CSMD1: variants seen among roughly 807,000 people sequenced by gnomAD.
CSMD1 encodes the protein CUB and sushi domain-containing protein 1.
Under a neutral mutation model 417.5 loss-of-function variants are expected in CSMD1, and 213 were observed. The ratio of observed to expected loss-of-function variants is 0.51; its 90% CI spans 0.46 to 0.57. The LOEUF is 0.57. Among genes scored for constraint, CSMD1 ranks in the 20% least tolerant of loss-of-function variants. The pLI is 0.00. For missense variants in CSMD1, 6,923 were observed against 4,529.7 expected, an observed-to-expected ratio of 1.53 and a Z score of -15.17; for synonymous variants, 2,862 against 1,736.8, an observed-to-expected ratio of 1.65 and a Z score of -16.11.
intron 1 of CSMD1, among the ~76,000 whole-genome samples, chr8:4,698,135 GTTT>G (rs11299577): frequency 6.5e-5 from 9 of 138,694 alleles, no homozygotes; most frequent in South Asian, 4.5e-4. Flanking sequence ...TGAATACTGG[GTTT>G]TTTTTTTTTT....
chr8:3,874,243 G>C (rs922571703), intron 5 of CSMD1, among the ~76,000 whole-genome samples: 11 of 152,158 alleles, frequency 7.2e-5, no homozygotes, highest in African/African-American at 2.7e-4. Context: ...AGGATGAAGA[G>C]CATGTTTATT....
chr8:4,166,226 A>G (rs920847935), intron 3 of CSMD1, among the ~76,000 whole-genome samples: 1 of 152,186 alleles, frequency 6.6e-6, no homozygotes, highest in African/African-American at 2.4e-5. Context: ...CATTTAACCC[A>G]ATATATCCAG....
At chr8:3,799,744 CT>C in intron 5 of CSMD1, among the ~76,000 whole-genome samples, 1 of 152,064 alleles carries the variant, frequency 6.6e-6, no homozygotes, top group African/African-American at 2.4e-5. Flanking sequence ...TTATAATAAG[CT>C]GTACAAAACT....
At chr8:4,406,001 G>A (rs1379241757) in intron 3 of CSMD1, among the ~76,000 whole-genome samples, 1 of 152,202 alleles carries the variant, frequency 6.6e-6, no homozygotes, top group Non-Finnish European at 1.5e-5. Context: ...TGACGAGTGA[G>A]AGGGCAATTC....
chr8:4,167,019 G>C (rs930140699), intron 3 of CSMD1, among the ~76,000 whole-genome samples: 1 of 152,146 alleles, frequency 6.6e-6, no homozygotes, highest in Non-Finnish European at 1.5e-5. Flanking sequence ...AAATCTTTTT[G>C]TGTTTCCCAG....
At chr8:4,257,185 G>C (rs145587386) in intron 3 of CSMD1, among the ~76,000 whole-genome samples, 1,586 of 112,258 alleles carry the variant, frequency 0.014, 13 homozygotes, top group South Asian at 0.06. Flanking sequence ...ATAAATTATG[G>C]TACTACATTT....
At chr8:4,778,206 A>G (rs1341372110) in intron 1 of CSMD1, among the ~76,000 whole-genome samples, 1 of 152,194 alleles carries the variant, frequency 6.6e-6, no homozygotes, top group Non-Finnish European at 1.5e-5. Flanking sequence ...TTACTTATGA[A>G]AATATTCAGA....
At chr8:4,299,295 C>G (rs149719651) in intron 3 of CSMD1, among the ~76,000 whole-genome samples, 1 of 152,102 alleles carries the variant, frequency 6.6e-6, no homozygotes, top group Non-Finnish European at 1.5e-5. Flanking sequence ...TCTTCACCCC[C>G]ATCACCCCCA....
chr8:4,193,981 C>A (rs1355671030), intron 3 of CSMD1, among the ~76,000 whole-genome samples: 1 of 151,906 alleles, frequency 6.6e-6, no homozygotes. Flanking sequence ...AGTAAATGTT[C>A]TATGATTACT....
At chr8:4,219,373 G>A (rs990265119) in intron 3 of CSMD1, among the ~76,000 whole-genome samples, 1 of 152,172 alleles carries the variant, frequency 6.6e-6, no homozygotes, top group Non-Finnish European at 1.5e-5. Context: ...CTGGCACAGA[G>A]TAAGTGCTCA....
intron 5 of CSMD1, among the ~76,000 whole-genome samples, chr8:3,913,063 C>T (rs945349587): frequency 1.3e-5 from 2 of 152,104 alleles, no homozygotes. Context: ...GGCAACATGG[C>T]AGCACTAGGA....
chr8:4,872,030 G>A (rs1012478166), intron 1 of CSMD1, among the ~76,000 whole-genome samples: 1 of 152,196 alleles, frequency 6.6e-6, no homozygotes, highest in South Asian at 2.1e-4. Context: ...AAATCCTCAT[G>A]GCTCCTGCAG....
intron 41 of CSMD1, among the ~76,000 whole-genome samples, chr8:3,140,249 G>C (rs557262087): frequency 1.3e-5 from 2 of 152,074 alleles, no homozygotes; most frequent in Admixed American, 6.5e-5. Context: ...CATTGAAAAA[G>C]AGAGAGAGCA....
At chr8:4,334,551 G>A (rs1800054690) in intron 3 of CSMD1, among the ~76,000 whole-genome samples, 1 of 152,104 alleles carries the variant, frequency 6.6e-6, no homozygotes, top group South Asian at 2.1e-4. Flanking sequence ...TCTCCAGATA[G>A]TATGAAAGAT....
At chr8:4,038,037 G>T (rs923369423) in intron 3 of CSMD1, among the ~76,000 whole-genome samples, 3 of 152,048 alleles carry the variant, frequency 2.0e-5, no homozygotes, top group African/African-American at 7.2e-5. Context: ...GTGTAAATAA[G>T]TATCAGAGGC....
At chr8:3,836,893 A>T (rs891267700) in intron 5 of CSMD1, among the ~76,000 whole-genome samples, 3 of 150,946 alleles carry the variant, frequency 2.0e-5, no homozygotes, top group African/African-American at 7.3e-5. Context: ...GTTCTTTAAC[A>T]TTTTTTTTTC....
At chr8:3,241,066 TGA>T (rs1563175681) in intron 26 of CSMD1, among the ~76,000 whole-genome samples, 5 of 147,390 alleles carry the variant, frequency 3.4e-5, no homozygotes, top group South Asian at 2.2e-4. Context: ...TGGGTTAAGG[TGA>T]GGGGATACAA....
intron 5 of CSMD1, among the ~76,000 whole-genome samples, chr8:3,860,420 A>C (rs986085641): frequency 2.6e-5 from 4 of 152,194 alleles, no homozygotes; most frequent in Non-Finnish European, 5.9e-5. Context: ...TTTCTATGTT[A>C]CTAAAACAAT....
At chr8:3,074,090 C>G (rs1368671905) in intron 49 of CSMD1, among the ~76,000 whole-genome samples, 12 of 152,312 alleles carry the variant, frequency 7.9e-5, no homozygotes, top group African/African-American at 4.8e-5. Flanking sequence ...GAAGATCACT[C>G]AAGTGGTGGC....
Sources: gnomAD v4.1 joint callset for allele counts (sites outside exome capture counted in the v4.1 genomes callset) on GRCh38, gnomAD v4.1.1 for gene constraint, MANE v1.5 for transcripts, NCBI Gene and HGNC (gene_info 2026-07-23, HGNC 2026-07-21) for gene names.